Variants in DCAF1 observed in about 807,000 individuals in gnomAD.
DCAF1 encodes the protein DDB1 and CUL4 associated factor 1.
A neutral mutation model predicts 128.0 loss-of-function variants in DCAF1; 15 were observed. The ratio of observed to expected loss-of-function variants is 0.12; its 90% CI spans 0.08 to 0.18. DCAF1 has a LOEUF of 0.18. Among genes scored for constraint, DCAF1 ranks in the 10% least tolerant of loss-of-function variants. DCAF1 has a pLI of 1.00. For synonymous variants in DCAF1, 610 were observed against 603.0 expected (o/e 1.01, Z -0.17); for missense variants, 988 against 1,649.5 (o/e 0.60, Z 6.95).
intron 3 of DCAF1, among the ~76,000 whole-genome samples, chr3:51,482,252 C>G (rs1300198334): frequency 6.6e-6 from 1 of 151,000 alleles, no homozygotes; most frequent in Non-Finnish European, 1.5e-5. Flanking sequence ...CAAGACCAGA[C>G]TGGGTAACAC....
chr3:51,402,786 CTGG>C (rs2089820386), intron 24 of DCAF1, among the ~76,000 whole-genome samples: 2 of 152,018 alleles, frequency 1.3e-5, no homozygotes, highest in Admixed American at 1.3e-4. Flanking sequence ...GTTGCCCAGG[CTGG>C]TCTCGAACTC....
chr3:51,425,139 TA>T (rs1479617164), intron 13 of DCAF1, among the ~76,000 whole-genome samples: 1 of 152,244 alleles, frequency 6.6e-6, no homozygotes, highest in Non-Finnish European at 1.5e-5. Context: ...ATTTTATTTC[TA>T]AAAATAAATT....
intron 15 of DCAF1, among the ~76,000 whole-genome samples, chr3:51,419,528 G>A (rs953858923): frequency 7.9e-5 from 12 of 152,144 alleles, no homozygotes; most frequent in Non-Finnish European, 2.9e-5. Context: ...TAGTTGAGAT[G>A]AGAACACAAA....
upstream of DCAF1, among the ~76,000 whole-genome samples, chr3:51,500,392 C>T (rs527708143): frequency 6.6e-6 from 1 of 152,278 alleles, no homozygotes; most frequent in South Asian, 2.1e-4. Flanking sequence ...GTGTCTTGTT[C>T]TGACCTGTGT....
At chr3:51,473,767 C>T (rs1398006366) in intron 3 of DCAF1, among the ~76,000 whole-genome samples, 2 of 151,610 alleles carry the variant, frequency 1.3e-5, no homozygotes, top group Non-Finnish European at 2.9e-5. Flanking sequence ...TACCAAAGTC[C>T]TGGGATTACA....
intron 9 of DCAF1, chr3:51,437,335 T>C (rs1553637182): frequency 6.0e-6 from 3 of 502,258 alleles, no homozygotes; most frequent in South Asian, 4.3e-5. Context: ...AGGGAAATTA[T>C]TTCCTGGGTT....
intron 2 of DCAF1, among the ~76,000 whole-genome samples, chr3:51,493,726 G>T (rs1206874571): frequency 6.6e-6 from 1 of 152,088 alleles, no homozygotes; most frequent in Admixed American, 6.6e-5. Flanking sequence ...GGCTGGGCAT[G>T]GTGGCTCACA....
intron 2 of DCAF1, among the ~76,000 whole-genome samples, chr3:51,487,098 A>G (rs1004816700): frequency 6.6e-6 from 1 of 151,690 alleles, no homozygotes; most frequent in Admixed American, 6.6e-5. Flanking sequence ...CAGACTCCCA[A>G]GTAGCTGGGA....
intron 6 of DCAF1, 131 bp from the exon 7 acceptor site, chr3:51,444,034 T>C: frequency 1.3e-6 from 1 of 745,774 alleles, no homozygotes; most frequent in East Asian, 2.8e-5. Flanking sequence ...AAAGTACTAC[T>C]ACAGCATCCA....
At chr3:51,494,638 AC>A (rs1376705168) in intron 2 of DCAF1, among the ~76,000 whole-genome samples, 11 of 151,244 alleles carry the variant, frequency 7.3e-5, no homozygotes, top group Non-Finnish European at 8.8e-5. Context: ...GCACATAAAG[AC>A]ATGATTTTTT....
intron 7 of DCAF1, 97 bp from the exon 8 acceptor site, chr3:51,441,994 T>G: frequency 6.8e-7 from 1 of 1,479,214 alleles, no homozygotes; most frequent in Non-Finnish European, 9.0e-7. Context: ...TGGAGACTCA[T>G]GCAGTGAGCC....
chr3:51,485,009 G>A (rs532887867), intron 2 of DCAF1, among the ~76,000 whole-genome samples: 10 of 151,818 alleles, frequency 6.6e-5, no homozygotes, highest in South Asian at 2.1e-4. Context: ...TCTGCCTCCC[G>A]GGTTCAAGCA....
At chr3:51,488,721 T>C (rs185860538) in intron 2 of DCAF1, among the ~76,000 whole-genome samples, 4 of 152,008 alleles carry the variant, frequency 2.6e-5, no homozygotes, top group African/African-American at 9.7e-5. Flanking sequence ...GAGAATCGCT[T>C]GAACACAGGA....
chr3:51,406,342 C>CAAAAAAAAAAAAAAAAAAAAAAAAAAA (rs782324969), intron 23 of DCAF1, among the ~76,000 whole-genome samples: 1 of 48,196 alleles, frequency 2.1e-5, no homozygotes. Context: ...GACTCTGTCT[C>CAAAAAAAAAAAAAAAAAAAAAAAAAAA]AAAAAAAAAA....
chr3:51,499,333 G>C (rs1352252832), intron 1 of DCAF1, among the ~76,000 whole-genome samples: 1 of 152,198 alleles, frequency 6.6e-6, no homozygotes, highest in Non-Finnish European at 1.5e-5. Context: ...GGAGCGCCCG[G>C]AAAGCTCCGC....
intron 23 of DCAF1, among the ~76,000 whole-genome samples, chr3:51,410,608 AATTACCATTTTCAAAT>A (rs1211055913): frequency 1.3e-5 from 2 of 152,228 alleles, no homozygotes; most frequent in African/African-American, 4.8e-5. Context: ...ATCCTTACAA[AATTACCATTTTCAAAT>A]ATTACCATTT....
chr3:51,396,789 A>G (rs1399709385), downstream of DCAF1: 1 of 167,132 alleles, frequency 6.0e-6, no homozygotes, highest in African/African-American at 2.4e-5. Flanking sequence ...CTCCCAGCAG[A>G]GTTGAGACTG....
intron 5 of DCAF1, 135 bp from the exon 6 acceptor site, chr3:51,463,362 T>G (rs1268576021): frequency 6.9e-6 from 3 of 432,530 alleles, no homozygotes; most frequent in African/African-American, 6.1e-5. Context: ...CTAATTAAAC[T>G]TTTACTAATT....
At chr3:51,446,154 C>T (rs186875755) in intron 6 of DCAF1, among the ~76,000 whole-genome samples, 1 of 152,022 alleles carries the variant, frequency 6.6e-6, no homozygotes, top group Admixed American at 6.6e-5. Context: ...CCAACCACAC[C>T]CAGCTGATTT....
Sources: gnomAD v4.1 joint callset for allele counts (sites outside exome capture counted in the v4.1 genomes callset) on GRCh38, gnomAD v4.1.1 for gene constraint, MANE v1.5 for transcripts, NCBI Gene and HGNC (gene_info 2026-07-23, HGNC 2026-07-21) for gene names.